Variants in TBKBP1 observed in about 807,000 individuals in gnomAD.
TBKBP1 encodes the protein TBK1 binding protein 1, also known as TANK-binding kinase 1-binding protein 1.
Under a neutral mutation model 69.9 loss-of-function variants are expected in TBKBP1, and 47 were observed. That is an observed-to-expected ratio of 0.67 (90% CI 0.53 to 0.86). TBKBP1 has a LOEUF of 0.86. Among genes scored for constraint, TBKBP1 ranks in the 40% least tolerant of loss-of-function variants. TBKBP1 has a pLI of 0.00. For synonymous variants in TBKBP1, 418 were observed against 390.3 expected (o/e 1.07, Z -0.84); for missense variants, 831 against 858.6 (o/e 0.97, Z 0.40).
chr17:47,703,837 C>T (rs2031607536), intron 7 of TBKBP1, among the ~76,000 whole-genome samples: 1 of 152,126 alleles, frequency 6.6e-6, no homozygotes, highest in African/African-American at 2.4e-5. Context: ...TATTGTCCCC[C>T]TTTTACAGAT....
chr17:47,703,740 ATT>A (rs113198338), intron 7 of TBKBP1, among the ~76,000 whole-genome samples: 7 of 144,930 alleles, frequency 4.8e-5, no homozygotes, highest in African/African-American at 1.0e-4. Context: ...CTCCCCTGAA[ATT>A]TTTTTTTTTT....
rs549900935 is a variant in TBKBP1, at chr17:47,711,845, T to G, written c.*1219T>G. The G allele has an allele frequency of 6.6e-6, 1 of 152,648 alleles. No homozygotes were observed. Among genetic ancestry groups the G allele is most frequent in the East Asian group, 1.9e-4 (1 of 5,176 alleles). The allele number at this position is 152,648 out of a possible 1,614,324, so 9.5% of individuals were successfully genotyped here. A position where few individuals can be genotyped will look rare whatever the true frequency, so the allele number is the denominator to read the frequency against. On this transcript the variant is annotated 3_prime_UTR_variant, in exon 10 of 10. Coordinates refer to ENST00000578982, the MANE Select transcript of TBKBP1 (RefSeq NM_001394755.1). ...AGCGCATGTCCCGCTCTTATCCAACTCTTCCAGGCCCCACCTCCCTGCACC... is the reference window on the plus strand; with the variant it reads ...AGCGCATGTCCCGCTCTTATCCAACGCTTCCAGGCCCCACCTCCCTGCACC...
chr17:47,699,530 C>G, intron 6 of TBKBP1, 35 bp downstream of exon 6: 1 of 1,604,972 alleles, frequency 6.2e-7, no homozygotes, highest in East Asian at 2.2e-5. Flanking sequence ...TTCTGGAGGT[C>G]CAGGGCTGGG....
intron 7 of TBKBP1, among the ~76,000 whole-genome samples, chr17:47,706,828 GACACACAC>G (rs55849029): frequency 2.3e-3 from 312 of 134,218 alleles, no homozygotes; most frequent in Admixed American, 8.8e-3. Context: ...GTTAGACTTA[GACACACAC>G]ACACACACAC....
Position 47,708,587 on chromosome 17 carries a change from T to C in TBKBP1, c.991+75T>C, listed in dbSNP as rs2031781972. On this transcript the variant is annotated intron_variant, in intron 8 of 9. Coordinates refer to ENST00000578982, the MANE Select transcript of TBKBP1 (RefSeq NM_001394755.1). The surrounding 1 kb of genome is among the most constrained non-coding windows in gnomAD (Gnocchi z 4.4). ...CGGGTAGCCATGGCAACCATCTTGG[T>C]CATGGGGACCACCCTTTATTTCCTT... The C allele has an allele frequency of 6.5e-7, 1 of 1,540,662 alleles. No homozygotes were observed.
rs369256232 is a variant in TBKBP1 at position 47,709,961 on chromosome 17, C to T, written c.1719+509C>T. Among the ~76,000 whole-genome samples, 40 of 152,334 alleles carry T rather than the reference C, an allele frequency of 2.6e-4. No homozygotes were observed. In the East Asian group the frequency reaches 4.4e-3, roughly 17 times the overall value. The stretch of plus-strand genomic sequence containing the variant: ...GACCATAGCAGGCCACCAGCCAACA[C>T]AGGAACAGGCCTGTTTATCCAGCTC... On this transcript the variant is annotated intron_variant, in intron 9 of 9. Coordinates refer to ENST00000578982, the MANE Select transcript of TBKBP1 (RefSeq NM_001394755.1).
In TBKBP1 at chr17:47,696,307, C is replaced by G; in HGVS notation, c.195C>G (p.Leu65=). 1 of 1,613,290 alleles carries G rather than the reference C, an allele frequency of 6.2e-7. No homozygotes were observed. The highest frequency in any genetic ancestry group is 8.5e-7 in the Non-Finnish European group (1 of 1,179,856). The change falls in exon 2 of 10, where the codon CTC becomes CTG. Residue 65 remains leucine (L), a synonymous_variant. Transcript: ENST00000578982. ...GCCTGGAGAGGGAGAACGCCACCCT[C>G]CGACGCCGCCTCAAAGTCTACGAGA... ...LGGLERENAT[L]RRRLKVYEIK... is the part of the protein sequence containing the mutation.
intron 4 of TBKBP1, among the ~76,000 whole-genome samples, chr17:47,698,209 TCAAAA>T (rs1316643435): frequency 1.3e-5 from 2 of 152,188 alleles, no homozygotes; most frequent in Admixed American, 1.3e-4. Context: ...ATTTTAATTC[TCAAAA>T]CAACCCTAAG....
At chr17:47,697,267 G>C (rs2031287259) in intron 4 of TBKBP1, 74 bp downstream of exon 4, 1 of 1,321,436 alleles carries the variant, frequency 7.6e-7, no homozygotes. Flanking sequence ...ATTTAGTTCT[G>C]TGTGTGAGGA....
chr17:47,708,924 G>T lies in TBKBP1; in HGVS notation c.1191G>T (p.Gln397His). ...CCTCCTGCCCGTCGCCCGTCCCGCA[G>T]CGCCGCTCGCCGGTGCCGCCGTCGT... is the stretch of plus-strand genomic sequence containing the variant. The part of the protein sequence containing the change: ...ASPSCPSPVP[Q>H]RRSPVPPSCQ... Residue 397 changes from glutamine to histidine, a missense_variant, in exon 9 of 10, where the codon CAG becomes CAT. Physicochemically the swap from Gln to His is conservative, Grantham distance 24 (BLOSUM62 0). Coordinates refer to ENST00000578982, the MANE Select transcript of TBKBP1 (RefSeq NM_001394755.1). This position sits in a 1 kb window ranked among gnomAD's most constrained non-coding sequence, Gnocchi z 4.4. 3.1e-6 allele frequency: 4 copies of T among 1,310,260 alleles called. No homozygotes were observed. The South Asian group carries it at 4.6e-5, about 15-fold the overall frequency. 81.2% of individuals were successfully genotyped at this position (1,310,260 alleles called of 1,614,324 possible).
intron 1 of TBKBP1, chr17:47,694,782 G>C (rs2031143005): frequency 6.6e-6 from 1 of 152,038 alleles, no homozygotes; most frequent in South Asian, 2.1e-4. Flanking sequence ...GCGTGGGAAG[G>C]AGAGGGTTAA....
Position 47,699,663 on chromosome 17 carries a change from G to A in TBKBP1, c.838G>A (p.Asp280Asn), listed in dbSNP as rs1217544913. ...TCTGGCCTCCAACCAGTCGGAGCGAGACATGGCGTGGGTGAAAAGAGTTGG... is the reference window on the plus strand; with the variant it reads ...TCTGGCCTCCAACCAGTCGGAGCGAAACATGGCGTGGGTGAAAAGAGTTGG... ...QDLASNQSER[D>N]MAWVKRVGDD... The change falls in exon 7 of 10, where the codon GAC becomes AAC. Residue 280 changes from aspartate to asparagine, a missense_variant. Coordinates refer to ENST00000578982, the MANE Select transcript of TBKBP1 (RefSeq NM_001394755.1). 6.2e-7 allele frequency: 1 copy of A among 1,613,980 alleles called. No homozygotes were observed. The highest frequency in any genetic ancestry group is 1.7e-5 in the Admixed American group (1 of 60,024).
intron 6 of TBKBP1, 39 bp downstream of exon 6, chr17:47,699,534 G>A: frequency 1.9e-6 from 3 of 1,607,760 alleles, no homozygotes; most frequent in Non-Finnish European, 2.6e-6. Flanking sequence ...GGAGGTCCAG[G>A]GCTGGGCCTT....
rs755958372 is a variant in TBKBP1, at chr17:47,709,198, C to T, written c.1465C>T (p.Pro489Ser). ...LQAEAATLPK[P>S]RAYGSELYGP... ...GGCCGAAGCGGCCACTCTCCCCAAG[C>T]CCCGGGCCTACGGCAGCGAGCTCTA... The change falls in exon 9 of 10, where the codon CCC becomes TCC. Residue 489 changes from proline to serine, a missense_variant. By Grantham distance (74) the Pro-to-Ser change is moderately conservative (BLOSUM62 -1). Coordinates refer to ENST00000578982, the MANE Select transcript of TBKBP1 (RefSeq NM_001394755.1). 2.0e-6 allele frequency: 3 copies of T among 1,512,130 alleles called. No individual in the cohort carries two copies. The highest frequency in any genetic ancestry group is 2.6e-6 in the Non-Finnish European group (3 of 1,139,290). The allele number at this position is 1,512,130 out of a possible 1,614,324, so 93.7% of individuals were successfully genotyped here. A position where few individuals can be genotyped will look rare whatever the true frequency, so the allele number is the denominator to read the frequency against.
At position 47,708,738 on chromosome 17, in the gene TBKBP1, G is replaced by T. The variant is rs1232672772; in HGVS notation, c.1005G>T (p.Ser335=). Reference sequence around the variant, plus strand: ...TTTCTCTTCCAGGCCAGAGGCACTCGCCGCTGTCACAACGCCACTCCCCGG... The same window carrying T: ...TTTCTCTTCCAGGCCAGAGGCACTCTCCGCTGTCACAACGCCACTCCCCGG... ...EQARSGGQRH[S]PLSQRHSPAP... Residue 335 remains serine (S), a synonymous_variant, in exon 9 of 10, where the codon TCG becomes TCT. Transcript: ENST00000578982. This position sits in a 1 kb window ranked among gnomAD's most constrained non-coding sequence, Gnocchi z 4.4. The T allele has an allele frequency of 8.8e-6, 13 of 1,480,840 alleles. No individual in the cohort carries two copies. Among genetic ancestry groups the T allele is most frequent in the Non-Finnish European group, 1.2e-5 (13 of 1,121,142 alleles). 91.7% of individuals were successfully genotyped at this position (1,480,840 alleles called of 1,614,324 possible). A position where few individuals can be genotyped will look rare whatever the true frequency, so the allele number is the denominator to read the frequency against.
At chr17:47,698,080 G>A (rs1040069549) in intron 4 of TBKBP1, among the ~76,000 whole-genome samples, 6 of 152,108 alleles carry the variant, frequency 3.9e-5, no homozygotes, top group African/African-American at 1.4e-4. Context: ...CCCTCACCAG[G>A]TTGTGGTGAG....
At position 47,696,231 on chromosome 17, in the gene TBKBP1, C is replaced by T; in HGVS notation, c.119C>T (p.Ser40Phe). ...PSLGGDMCSA[S>F]HFALITAYGD... ...CTTGGGGGCGACATGTGCTCCGCCTCCCACTTTGCCCTCATCACTGCTTAC... is the reference window on the plus strand; with the variant it reads ...CTTGGGGGCGACATGTGCTCCGCCTTCCACTTTGCCCTCATCACTGCTTAC... Residue 40 changes from serine (S) to phenylalanine (F), a missense_variant, in exon 2 of 10, where the codon TCC (serine) becomes TTC (phenylalanine). Transcript: ENST00000578982. 6.2e-7 allele frequency: 1 copy of T among 1,613,712 alleles called. No individual in the cohort carries two copies. The highest frequency in any genetic ancestry group is 2.2e-5 in the East Asian group (1 of 44,880).
At chr17:47,707,307 G>T (rs1031046436) in intron 7 of TBKBP1, among the ~76,000 whole-genome samples, 3 of 152,216 alleles carry the variant, frequency 2.0e-5, no homozygotes, top group Non-Finnish European at 4.4e-5. Context: ...GACCTTCCAT[G>T]GTTCTGGGTT....
chr17:47,703,790 A>T (rs1482461330), intron 7 of TBKBP1, among the ~76,000 whole-genome samples: 3 of 150,886 alleles, frequency 2.0e-5, no homozygotes, highest in Non-Finnish European at 4.4e-5. Context: ...TGATTTACCT[A>T]CAAAATCTCA....
Sources: gnomAD v4.1 joint callset for allele counts (sites outside exome capture counted in the v4.1 genomes callset) on GRCh38, gnomAD v4.1.1 for gene constraint, Gnocchi (gnomAD v3.1) non-coding constraint, MANE v1.5 for transcripts, NCBI Gene and HGNC (gene_info 2026-07-23, HGNC 2026-07-21) for gene names.